PHF20: variants seen among roughly 807,000 people sequenced by gnomAD.
PHF20 encodes the protein PHD finger protein 20.
In PHF20, 23 loss-of-function variants were observed where a neutral mutation model predicts 113.5. The ratio of observed to expected loss-of-function variants is 0.20; its 90% CI spans 0.15 to 0.29. The LOEUF (loss-of-function observed/expected upper bound fraction) is 0.29. Ranked by LOEUF, PHF20 falls within the 10% of genes least tolerant of loss-of-function variation. PHF20 has a pLI of 1.00. For missense variants in PHF20, 943 were observed against 1,219.6 expected, an observed-to-expected ratio of 0.77 and a Z score of 3.38; for synonymous variants, 434 against 457.3, an observed-to-expected ratio of 0.95 and a Z score of 0.65.
At chr20:35,814,151 A>T (rs2042026357) in intron 2 of PHF20, among the ~76,000 whole-genome samples, 1 of 152,048 alleles carries the variant, frequency 6.6e-6, no homozygotes, top group Non-Finnish European at 1.5e-5. Context: ...GTCTTAAACA[A>T]CTTTTTAGTA....
At chr20:35,873,010 AT>A (rs1351821261) in intron 9 of PHF20, among the ~76,000 whole-genome samples, 2 of 151,262 alleles carry the variant, frequency 1.3e-5, no homozygotes, top group African/African-American at 2.4e-5. Flanking sequence ...GGTTGTTAAA[AT>A]CTCTGTTATT....
At chr20:35,929,305 G>T (rs1188809573) in intron 14 of PHF20, among the ~76,000 whole-genome samples, 1 of 152,222 alleles carries the variant, frequency 6.6e-6, no homozygotes, top group East Asian at 1.9e-4. Flanking sequence ...CAGCATGCAG[G>T]TCCCCTCTGG....
intron 17 of PHF20, among the ~76,000 whole-genome samples, chr20:35,944,364 C>T (rs1022577388): frequency 2.6e-5 from 4 of 152,108 alleles, no homozygotes; most frequent in East Asian, 1.9e-4. Context: ...AGCGTTGGTG[C>T]GCTTTCACAC....
intron 1 of PHF20, among the ~76,000 whole-genome samples, chr20:35,780,094 A>G (rs1428390670): frequency 1.3e-5 from 2 of 151,942 alleles, no homozygotes; most frequent in African/African-American, 2.4e-5. Context: ...GTGCTCTTAC[A>G]TCCCTCTCTC....
chr20:35,791,085 C>T (rs1161614051), intron 1 of PHF20, among the ~76,000 whole-genome samples: 2 of 152,020 alleles, frequency 1.3e-5, no homozygotes, highest in Non-Finnish European at 2.9e-5. Context: ...TCTTGAACTC[C>T]TGACCTTGTG....
At chr20:35,837,384 C>A (rs569270115) in intron 2 of PHF20, among the ~76,000 whole-genome samples, 1 of 152,104 alleles carries the variant, frequency 6.6e-6, no homozygotes, top group African/African-American at 2.4e-5. Flanking sequence ...CCAGTATTCC[C>A]GCTGGTTGGA....
intron 17 of PHF20, 141 bp from the exon 18 acceptor site, chr20:35,947,343 CT>C: frequency 2.8e-6 from 2 of 726,290 alleles, no homozygotes; most frequent in Non-Finnish European, 4.3e-6. Context: ...ATGGCCCTTC[CT>C]CCCTTGCCCC....
At chr20:35,944,232 A>G (rs1408553325) in intron 17 of PHF20, among the ~76,000 whole-genome samples, 1 of 152,162 alleles carries the variant, frequency 6.6e-6, no homozygotes, top group African/African-American at 2.4e-5. Flanking sequence ...TTGACTTCCC[A>G]CAGTCCTGGC....
chr20:35,832,524 C>T (rs868604834), intron 2 of PHF20, among the ~76,000 whole-genome samples: 5 of 152,098 alleles, frequency 3.3e-5, no homozygotes, highest in African/African-American at 1.2e-4. Context: ...AGGAAACTGA[C>T]ACAGACTGGA....
At chr20:35,860,017 T>G (rs2054189896) in intron 5 of PHF20, among the ~76,000 whole-genome samples, 1 of 152,106 alleles carries the variant, frequency 6.6e-6, no homozygotes, top group Admixed American at 6.6e-5. Context: ...GCCTCCCAAG[T>G]TAAAGTGATT....
chr20:35,833,481 C>T (rs938467651), intron 2 of PHF20, among the ~76,000 whole-genome samples: 11 of 152,168 alleles, frequency 7.2e-5, no homozygotes, highest in Non-Finnish European at 1.3e-4. Flanking sequence ...CTCTTGACAT[C>T]TACAACATGA....
chr20:35,884,575 A>C (rs531668671), intron 9 of PHF20, among the ~76,000 whole-genome samples: 1 of 152,332 alleles, frequency 6.6e-6, no homozygotes, highest in Admixed American at 6.5e-5. Context: ...TTGTGGCTTC[A>C]AAGTATTTTT....
chr20:35,816,752 G>A (rs2042081579), intron 2 of PHF20, among the ~76,000 whole-genome samples: 1 of 144,784 alleles, frequency 6.9e-6, no homozygotes, highest in Admixed American at 6.9e-5. Context: ...GCGCCCGGCC[G>A]ATTTATGTCA....
At chr20:35,875,579 T>C (rs894696902) in intron 9 of PHF20, among the ~76,000 whole-genome samples, 1 of 152,128 alleles carries the variant, frequency 6.6e-6, no homozygotes, top group African/African-American at 2.4e-5. Flanking sequence ...AGGGCTCTTT[T>C]CTTCCCAGCC....
rs1316783410 is a variant in PHF20, at chr20:35,801,568, G to A, written c.46G>A (p.Gly16Arg). The A allele has an allele frequency of 6.2e-7, 1 of 1,613,746 alleles. No homozygotes were observed. The highest frequency in any genetic ancestry group is 8.5e-7 in the Non-Finnish European group (1 of 1,179,816). The change falls in exon 2 of 18, where the codon GGA (glycine) becomes AGA (arginine). Residue 16 changes from glycine to arginine, a missense_variant. Coordinates refer to ENST00000374012, the MANE Select transcript of PHF20 (RefSeq NM_016436.5). ...CAGACGAGGAATCAGCTTTGAAGTG[G>A]GAGCCCAGTTGGAAGCCCGGGACCG... ...PNRRGISFEV[G>R]AQLEARDRLK...
intron 15 of PHF20, 139 bp from the exon 16 acceptor site, chr20:35,938,558 C>G: frequency 1.3e-6 from 1 of 799,602 alleles, no homozygotes; most frequent in Non-Finnish European, 2.0e-6. Flanking sequence ...CACATTCGCT[C>G]TTGTTTAGCA....
At chr20:35,901,833 G>C (rs1410426076) in intron 10 of PHF20, among the ~76,000 whole-genome samples, 8 of 152,194 alleles carry the variant, frequency 5.3e-5, no homozygotes, top group Non-Finnish European at 1.2e-4. Flanking sequence ...CTGGGCACAT[G>C]GGTTGTGAAT....
chr20:35,801,382 A>G (rs918783169), intron 1 of PHF20, 109 bp from the exon 2 acceptor site: 6 of 581,720 alleles, frequency 1.0e-5, no homozygotes, highest in African/African-American at 7.5e-5. Flanking sequence ...ACAGGGTTTC[A>G]TGGAGCTTTG....
At chr20:35,927,661 T>C in intron 13 of PHF20, 119 bp from the exon 14 acceptor site, 1 of 753,970 alleles carries the variant, frequency 1.3e-6, no homozygotes, top group South Asian at 1.5e-5. Flanking sequence ...CAGGAGGGAG[T>C]GCTCCTTCCT....
Sources: allele counts gnomAD v4.1 joint callset (sites outside exome capture counted in the v4.1 genomes callset), GRCh38; gene constraint gnomAD v4.1.1; transcripts MANE v1.5; gene names NCBI Gene and HGNC (gene_info 2026-07-23, HGNC 2026-07-21).